The following PDE5A variants were observed in gnomAD, a reference collection of about 807,000 sequenced individuals.
PDE5A encodes the protein phosphodiesterase 5A.
In PDE5A, 67 loss-of-function variants were observed where a neutral mutation model predicts 110.2. The observed-to-expected ratio is 0.61, with a 90% CI of 0.50 to 0.75. PDE5A has a LOEUF of 0.75. Among genes scored for constraint, PDE5A ranks in the 30% least tolerant of loss-of-function variants. The pLI is 0.00. For missense variants in PDE5A, 862 were observed against 1,045.1 expected, an observed-to-expected ratio of 0.82 and a Z score of 2.42; for synonymous variants, 328 against 351.2, an observed-to-expected ratio of 0.93 and a Z score of 0.74.
chr4:119,539,564 C>G (rs966973416), intron 10 of PDE5A, among the ~76,000 whole-genome samples: 54 of 151,982 alleles, frequency 3.6e-4, no homozygotes, highest in Non-Finnish European at 7.4e-5. Flanking sequence ...CTTTACACTC[C>G]TACAATTTAA....
chr4:119,562,760 G>T, intron 6 of PDE5A, 73 bp downstream of exon 6: 1 of 1,306,960 alleles, frequency 7.7e-7, no homozygotes, highest in Admixed American at 2.7e-5. Context: ...CCAAAATGAG[G>T]TTTAAAAGTA....
Position 119,542,576 on chromosome 4 carries a change from G to A in PDE5A, c.1455C>T (p.Asn485=). 1 of 1,613,936 alleles carries A rather than the reference G, an allele frequency of 6.2e-7. No individual in the cohort carries two copies. The highest frequency in any genetic ancestry group is 8.5e-7 in the Non-Finnish European group (1 of 1,179,914). ...CTTCCAGAAACTGTTCGTCATTTCG[G>A]TTGAAAGGCTTAACCTTGCCAGTAT... ...EENTGKVKPF[N]RNDEQFLEAF... The change falls in exon 10 of 21, where the codon AAC becomes AAT. Residue 485 remains asparagine, a synonymous_variant. Transcript: ENST00000354960.
intron 10 of PDE5A, 76 bp from the exon 11 acceptor site, chr4:119,539,095 T>C: frequency 1.9e-6 from 2 of 1,077,348 alleles, no homozygotes; most frequent in South Asian, 1.3e-5. Context: ...AAGCTTGGAA[T>C]TCTGCTAAGT....
chr4:119,565,062 GT>G (rs1727876541), intron 5 of PDE5A, among the ~76,000 whole-genome samples: 1 of 152,112 alleles, frequency 6.6e-6, no homozygotes, highest in Non-Finnish European at 1.5e-5. Flanking sequence ...AATGATTCCA[GT>G]AGGATAAGAG....
rs1725542737 is a variant in PDE5A at position 119,506,049 on chromosome 4, C to T, written c.2190-117G>A. The T allele has an allele frequency of 6.2e-6, 3 of 483,612 alleles. No homozygotes were observed. The South Asian group carries it at 1.3e-4, about 21-fold the overall frequency. 30.0% of individuals were successfully genotyped at this position (483,612 alleles called of 1,614,324 possible). A position where few individuals can be genotyped will look rare whatever the true frequency, so the allele number is the denominator to read the frequency against. ...AAAAAAAACCTCTGATTTTTTTTCC[C>T]ATCTTAGAGCCCACTATAAAATCAT... On this transcript the variant is annotated intron_variant, in intron 16 of 20. Transcript: ENST00000354960.
chr4:119,500,986 A>AGAT, intron 20 of PDE5A, 184 bp downstream of exon 20: 1 of 565,376 alleles, frequency 1.8e-6, no homozygotes. Context: ...GGCACTCAAT[A>AGAT]GATATTAGTA....
chr4:119,591,343 C>T (rs771781860), intron 3 of PDE5A, among the ~76,000 whole-genome samples: 7 of 152,204 alleles, frequency 4.6e-5, no homozygotes, highest in African/African-American at 1.4e-4. Flanking sequence ...TTCCCAATAA[C>T]CCTTTAAGGT....
chr4:119,563,250 A>G (rs1167752618), intron 5 of PDE5A, among the ~76,000 whole-genome samples: 8 of 152,154 alleles, frequency 5.3e-5, no homozygotes. Flanking sequence ...TTTCTTCAAC[A>G]TGGGGATATT....
At chr4:119,552,357 A>G in intron 9 of PDE5A, 193 bp downstream of exon 9, 1 of 336,110 alleles carries the variant, frequency 3.0e-6, no homozygotes, top group Non-Finnish European at 5.4e-6. Flanking sequence ...GATAATAATT[A>G]TAAAAGTGCA....
intron 8 of PDE5A, among the ~76,000 whole-genome samples, chr4:119,553,133 C>T (rs1727417079): frequency 6.6e-6 from 1 of 151,972 alleles, no homozygotes; most frequent in South Asian, 2.1e-4. Context: ...AGGCAGCTGC[C>T]TCAAAGTGCA....
chr4:119,528,030 T>C (rs939921137), intron 11 of PDE5A, among the ~76,000 whole-genome samples: 1 of 147,682 alleles, frequency 6.8e-6, no homozygotes, highest in African/African-American at 2.5e-5. Flanking sequence ...GGTTTTAATG[T>C]CAAATTAACC....
intron 1 of PDE5A, among the ~76,000 whole-genome samples, chr4:119,621,624 A>G (rs939803755): frequency 3.2e-5 from 4 of 124,608 alleles, no homozygotes; most frequent in African/African-American, 1.2e-4. Flanking sequence ...AGATAAATAG[A>G]GATAGGTAGA....
chr4:119,627,009 A>G lies in PDE5A; in HGVS notation c.152+1511T>C. 3 of 884,318 alleles carry G rather than the reference A, an allele frequency of 3.4e-6. No individual in the cohort carries two copies. In the South Asian group the frequency reaches 5.1e-5, roughly 15 times the overall value. 54.8% of individuals were successfully genotyped at this position (884,318 alleles called of 1,614,324 possible). A position where few individuals can be genotyped will look rare whatever the true frequency, so the allele number is the denominator to read the frequency against. ...ATCTGCAAGAGAGCAAAGAATAACA[A>G]CAACAACAAAAGTTATACAGTCAAT... On this transcript the variant is annotated intron_variant, in intron 1 of 20. Coordinates refer to ENST00000354960, the MANE Select transcript of PDE5A (RefSeq NM_001083.4). The surrounding 1 kb of genome is among the most constrained non-coding windows in gnomAD (Gnocchi z 4.6).
At chr4:119,563,950 GA>G (rs1310640155) in intron 5 of PDE5A, among the ~76,000 whole-genome samples, 3 of 151,482 alleles carry the variant, frequency 2.0e-5, no homozygotes, top group Non-Finnish European at 4.4e-5. Flanking sequence ...AAGAAATAAT[GA>G]AAAAAGAATT....
At chr4:119,540,484 C>G (rs1279126600) in intron 10 of PDE5A, among the ~76,000 whole-genome samples, 2 of 39,900 alleles carry the variant, frequency 5.0e-5, no homozygotes, top group African/African-American at 2.1e-4. Flanking sequence ...GCTACTGAGA[C>G]TACAGTGGTG....
At position 119,628,554 on chromosome 4, in the gene PDE5A, A is replaced by G; in HGVS notation, c.118T>C (p.Phe40Leu). 6.2e-7 allele frequency: 1 copy of G among 1,602,416 alleles called. No individual in the cohort carries two copies. The highest frequency in any genetic ancestry group is 8.5e-7 in the Non-Finnish European group (1 of 1,171,926). ...VEAWLDDHWD[F>L]TFSYFVRKAT... is the part of the protein sequence containing the mutation. ...TTTCTAACAAAGTATGAGAAGGTAA[A>G]GTCCCAGTGATCGTCCAGCCATGCT... The change falls in exon 1 of 21, where the codon TTT becomes CTT. Residue 40 changes from phenylalanine to leucine, a missense_variant. By Grantham distance (22) the Phe-to-Leu change is conservative (BLOSUM62 0). Transcript: ENST00000354960.
chr4:119,617,177 T>C (rs998751401), intron 1 of PDE5A, among the ~76,000 whole-genome samples: 2 of 152,206 alleles, frequency 1.3e-5, no homozygotes, highest in African/African-American at 2.4e-5. Flanking sequence ...AAGATTGTTA[T>C]AAACCTATCA....
chr4:119,517,596 C>CTT (rs1725959490), intron 14 of PDE5A, among the ~76,000 whole-genome samples: 1 of 126,648 alleles, frequency 7.9e-6, no homozygotes, highest in African/African-American at 3.0e-5. Flanking sequence ...TTTTCTTTTT[C>CTT]TTTTTCTTTC....
chr4:119,628,448 G>A, intron 1 of PDE5A, 72 bp downstream of exon 1: 2 of 1,282,974 alleles, frequency 1.6e-6, no homozygotes, highest in African/African-American at 1.5e-5. Flanking sequence ...CCTGGGAACA[G>A]GGGTGAACGA....
Sources: allele counts gnomAD v4.1 joint callset (sites outside exome capture counted in the v4.1 genomes callset), GRCh38; gene constraint gnomAD v4.1.1; non-coding constraint Gnocchi (gnomAD v3.1); transcripts MANE v1.5; gene names NCBI Gene and HGNC (gene_info 2026-07-23, HGNC 2026-07-21).